The following NLK variants were observed in gnomAD, a reference collection of about 807,000 sequenced individuals.
NLK encodes the protein nemo like kinase, also known as serine/threonine-protein kinase NLK.
A neutral mutation model predicts 59.0 loss-of-function variants in NLK; 11 were observed. The ratio of observed to expected loss-of-function variants is 0.19; its 90% CI spans 0.12 to 0.31. NLK has a LOEUF of 0.31. NLK is among the 10% of genes least tolerant of loss of function. The pLI is 1.00. For missense variants in NLK, 410 were observed against 661.1 expected, an observed-to-expected ratio of 0.62 and a Z score of 4.16; for synonymous variants, 235 against 235.9, an observed-to-expected ratio of 1.00 and a Z score of 0.03.
intron 1 of NLK, among the ~76,000 whole-genome samples, chr17:28,058,025 A>G (rs570922432): frequency 6.6e-6 from 1 of 152,352 alleles, no homozygotes; most frequent in Non-Finnish European, 1.5e-5. Flanking sequence ...AATGACAGCA[A>G]GGCTTTAAAA....
chr17:28,106,268 AT>A (rs1905077034), intron 1 of NLK, among the ~76,000 whole-genome samples: 2 of 152,120 alleles, frequency 1.3e-5, no homozygotes, highest in African/African-American at 2.4e-5. Flanking sequence ...AGTGTGCTTT[AT>A]TTTTATGAAC....
At chr17:28,135,684 A>G (rs1314557093) in intron 3 of NLK, among the ~76,000 whole-genome samples, 5 of 152,242 alleles carry the variant, frequency 3.3e-5, no homozygotes, top group African/African-American at 1.2e-4. Flanking sequence ...GAATGTTTCC[A>G]TGTAAGATAA....
chr17:28,147,629 C>T (rs554884295), intron 3 of NLK, among the ~76,000 whole-genome samples: 2 of 152,126 alleles, frequency 1.3e-5, no homozygotes, highest in South Asian at 2.1e-4. Context: ...GAAAATTGTA[C>T]AGGCCTATTT....
intron 1 of NLK, among the ~76,000 whole-genome samples, chr17:28,058,768 CTA>C (rs1205492181): frequency 6.6e-6 from 1 of 152,116 alleles, no homozygotes. Context: ...AGACCCATCT[CTA>C]TGTAAAAAAG....
chr17:28,172,673 C>T (rs1908512709), intron 7 of NLK, 55 bp downstream of exon 7: 2 of 1,021,502 alleles, frequency 2.0e-6, no homozygotes, highest in Admixed American at 3.2e-5. Context: ...CAAGATTTCC[C>T]TTCCAATAGA....
At position 28,043,123 on chromosome 17, in the gene NLK, A is replaced by G. The variant is rs753976077; in HGVS notation, c.250A>G (p.Met84Val). The change falls in exon 1 of 11, where the codon ATG (methionine) becomes GTG (valine). Residue 84 changes from methionine (M) to valine (V), a missense_variant. Met to Val is a conservative substitution (Grantham distance 21). Coordinates refer to ENST00000407008, the MANE Select transcript of NLK (RefSeq NM_016231.5). ...CGCAGCAGCGGCTGCAGCTGCAGCC[A>G]TGTTAAACCCTGGGCAACAACAGCC... Reference protein sequence around the residue: ...AAAAAAAAAAMLNPGQQQPYF... With the variant: ...AAAAAAAAAAVLNPGQQQPYF... 3.0e-5 allele frequency: 48 copies of G among 1,604,632 alleles called. No homozygotes were observed. Among genetic ancestry groups the G allele is most frequent in the Non-Finnish European group, 3.7e-5 (43 of 1,175,636 alleles).
chr17:28,111,368 T>C (rs921826788), intron 1 of NLK, among the ~76,000 whole-genome samples: 2 of 151,762 alleles, frequency 1.3e-5, no homozygotes, highest in Non-Finnish European at 2.9e-5. Flanking sequence ...TTTTTTTTTT[T>C]AGTAGACACA....
chr17:28,077,817 T>C (rs1027411871), intron 1 of NLK, among the ~76,000 whole-genome samples: 1 of 152,196 alleles, frequency 6.6e-6, no homozygotes, highest in Non-Finnish European at 1.5e-5. Flanking sequence ...CTATAGATTT[T>C]CATGTTTTTA....
chr17:28,061,912 CAT>C (rs917707896), intron 1 of NLK: 13 of 137,946 alleles, frequency 9.4e-5, no homozygotes, highest in East Asian at 2.0e-4. Context: ...TACATATATA[CAT>C]ATATATACAT....
chr17:28,127,046 C>T (rs1331882202), intron 2 of NLK, among the ~76,000 whole-genome samples: 1 of 152,106 alleles, frequency 6.6e-6, no homozygotes, highest in Non-Finnish European at 1.5e-5. Flanking sequence ...TTTAGAGCCC[C>T]CTTAGGGTCT....
At chr17:28,074,334 A>G (rs1314220582) in intron 1 of NLK, among the ~76,000 whole-genome samples, 1 of 152,180 alleles carries the variant, frequency 6.6e-6, no homozygotes, top group African/African-American at 2.4e-5. Flanking sequence ...TGAACTTAAA[A>G]GTTGGAGAAA....
rs374207290 is a variant in NLK at position 28,075,468 on chromosome 17, T to G, written c.458+32137T>G. 1.4e-3 allele frequency among the ~76,000 whole-genome samples: 217 copies of G among 152,356 alleles called. 6 individuals carry two copies. In the South Asian group the frequency reaches 0.044, roughly 31 times the overall value. On this transcript the variant is annotated intron_variant, in intron 1 of 10. Transcript: ENST00000407008. ...AGGCAAGAACAACTTGTATGGCAAC[T>G]TCTTAGCATTGCTTAGACAACATCT...
At chr17:28,055,132 C>A (rs538870236) in intron 1 of NLK, among the ~76,000 whole-genome samples, 1 of 140,480 alleles carries the variant, frequency 7.1e-6, no homozygotes, top group Admixed American at 7.6e-5. Flanking sequence ...CTCGCTCTGT[C>A]ACCAGGCTGG....
rs368765838 is a variant in NLK at position 28,071,051 on chromosome 17, A to G, written c.458+27720A>G. On this transcript the variant is annotated intron_variant, in intron 1 of 10. Coordinates refer to ENST00000407008, the MANE Select transcript of NLK (RefSeq NM_016231.5). ...GTTCTTTGCTGTGGGAGGGTCTCCT[A>G]TGTATTATAGGATGTTCAGCATCAT... Among the ~76,000 whole-genome samples, 77 of 152,220 alleles carry G rather than the reference A, an allele frequency of 5.1e-4. 2 individuals are homozygous for G. The highest frequency in any genetic ancestry group is 4.4e-3 in the South Asian group (21 of 4,818).
At chr17:28,179,957 A>G (rs1167399513) in intron 7 of NLK, among the ~76,000 whole-genome samples, 1 of 126,800 alleles carries the variant, frequency 7.9e-6, no homozygotes, top group Admixed American at 1.0e-4. Context: ...TTTGTTGCTG[A>G]TATCGTGGTC....
intron 1 of NLK, among the ~76,000 whole-genome samples, chr17:28,062,421 A>C (rs1404844457): frequency 6.6e-6 from 1 of 152,244 alleles, no homozygotes; most frequent in Non-Finnish European, 1.5e-5. Context: ...ATGACTGTAT[A>C]GATTTTTAGT....
chr17:28,189,240 G>A (rs1217117327), intron 8 of NLK, among the ~76,000 whole-genome samples: 2 of 152,182 alleles, frequency 1.3e-5, no homozygotes, highest in Admixed American at 6.5e-5. Flanking sequence ...TGGCACATCT[G>A]CAGGCCAGAT....
In NLK at chr17:28,137,170, G is replaced by A. The variant is rs912343887; in HGVS notation, c.644+4495G>A. ...GGCTTTAGATGTTTTTTAATTTGGA[G>A]GATTATTGTGTCTACAGATTTTACA... On this transcript the variant is annotated intron_variant, in intron 3 of 10. Transcript: ENST00000407008. Among the ~76,000 whole-genome samples, 4 of 151,964 alleles carry A rather than the reference G, an allele frequency of 2.6e-5. No individual in the cohort carries two copies. The South Asian group carries it at 8.3e-4, about 32-fold the overall frequency.
At chr17:28,075,910 C>T (rs969289913) in intron 1 of NLK, among the ~76,000 whole-genome samples, 1 of 152,110 alleles carries the variant, frequency 6.6e-6, no homozygotes, top group Non-Finnish European at 1.5e-5. Context: ...TAGATAAAAG[C>T]TAAAAACGTC....
Sources: gnomAD v4.1 joint callset for allele counts (sites outside exome capture counted in the v4.1 genomes callset) on GRCh38, gnomAD v4.1.1 for gene constraint, MANE v1.5 for transcripts, NCBI Gene and HGNC (gene_info 2026-07-23, HGNC 2026-07-21) for gene names.